Variants in RBM34 observed in about 807,000 individuals in gnomAD.
RBM34 encodes the protein RNA binding motif protein 34, also known as RNA-binding protein 34.
A neutral mutation model predicts 44.6 loss-of-function variants in RBM34; 39 were observed. The ratio of observed to expected loss-of-function variants is 0.87; its 90% confidence interval spans 0.68 to 1.14. The LOEUF is 1.14. Ranked by LOEUF, RBM34 falls within the 50% of genes most tolerant of loss-of-function variation. The pLI, the probability that RBM34 is intolerant of heterozygous loss-of-function variation, is 0.00. For synonymous variants in RBM34, 194 were observed against 184.0 expected, an observed-to-expected ratio of 1.05 and a Z score of -0.44; for missense variants, 572 against 517.9, an observed-to-expected ratio of 1.10 and a Z score of -1.01.
intron 10 of RBM34, among the ~76,000 whole-genome samples, chr1:235,134,358 C>T (rs919640918): frequency 6.6e-6 from 1 of 152,008 alleles, no homozygotes; most frequent in Admixed American, 6.6e-5. Flanking sequence ...TCGGTGTCTA[C>T]CTATGTTGCC....
chr1:235,136,690 C>G (rs1449934436), intron 8 of RBM34, among the ~76,000 whole-genome samples: 1 of 152,182 alleles, frequency 6.6e-6, no homozygotes, highest in Non-Finnish European at 1.5e-5. Context: ...CATTTCTAGG[C>G]ACCTTTGTCA....
At chr1:235,145,475 G>A (rs949398401) in intron 6 of RBM34, among the ~76,000 whole-genome samples, 7 of 151,654 alleles carry the variant, frequency 4.6e-5, no homozygotes, top group Non-Finnish European at 2.9e-5. Context: ...ATGAGGTCTC[G>A]CCACGCTGCC....
At chr1:235,158,979 A>G (rs1478851697) in intron 3 of RBM34, among the ~76,000 whole-genome samples, 3 of 151,356 alleles carry the variant, frequency 2.0e-5, no homozygotes, top group African/African-American at 2.4e-5. Flanking sequence ...AAAAAAAAAA[A>G]TGCTGACTGG....
At chr1:235,135,497 G>A (rs951716449) in intron 10 of RBM34, among the ~76,000 whole-genome samples, 155 bp downstream of exon 10, 1 of 152,154 alleles carries the variant, frequency 6.6e-6, no homozygotes, top group Non-Finnish European at 1.5e-5. Flanking sequence ...CCAAAGTGCT[G>A]GGATTACAGG....
rs1662340571 is a variant in RBM34 at position 235,155,099 on chromosome 1, C to G, written c.379G>C (p.Ala127Pro). ...KKLADRESAL[A>P]SADLEEEIHQ... ...ATTTCTTCTTCTAAATCAGCACTCG[C>G]TAGAGCGCTTTCCCTTTTTAAGGCA... Residue 127 changes from alanine to proline, a missense_variant, in exon 4 of 11, where the codon GCG (alanine) becomes CCG (proline). Physicochemically the swap from Ala to Pro is conservative, Grantham distance 27. Transcript: ENST00000408888. 1.2e-6 allele frequency: 2 copies of G among 1,611,960 alleles called. No individual in the cohort carries two copies. Among genetic ancestry groups the G allele is most frequent in the Non-Finnish European group, 1.7e-6 (2 of 1,179,642 alleles).
At chr1:235,150,715 C>T (rs1033133089) in intron 5 of RBM34, among the ~76,000 whole-genome samples, 1 of 152,058 alleles carries the variant, frequency 6.6e-6, no homozygotes, top group Non-Finnish European at 1.5e-5. Context: ...GCTGGTAACC[C>T]AAGAAGAAGT....
intron 3 of RBM34, among the ~76,000 whole-genome samples, chr1:235,159,721 A>G (rs1008238095): frequency 6.6e-6 from 1 of 150,772 alleles, no homozygotes; most frequent in Admixed American, 6.6e-5. Context: ...AACACAAAAA[A>G]TTAACCGGGC....
intron 3 of RBM34, among the ~76,000 whole-genome samples, chr1:235,158,556 G>A (rs1284561948): frequency 1.3e-5 from 2 of 152,126 alleles, no homozygotes; most frequent in African/African-American, 4.8e-5. Context: ...TCTTGGACAA[G>A]AGGGAAGACA....
chr1:235,151,172 G>A (rs1662144368), intron 5 of RBM34, among the ~76,000 whole-genome samples: 1 of 152,170 alleles, frequency 6.6e-6, no homozygotes, highest in African/African-American at 2.4e-5. Flanking sequence ...AGAAATCACA[G>A]TTGAAAAACG....
In RBM34 at chr1:235,155,191, C is replaced by T; in HGVS notation, c.366-79G>A. ...GTATTTGACAAAGCACAGCCCTACC[C>T]TCCCGACTAGAAATATTTCCCAATG... is the stretch of plus-strand genomic sequence containing the variant. On this transcript the variant is annotated intron_variant, in intron 3 of 10. Coordinates refer to ENST00000408888, the MANE Select transcript of RBM34 (RefSeq NM_015014.4). 5 of 1,086,190 alleles carry T rather than the reference C, an allele frequency of 4.6e-6. No individual in the cohort carries two copies. The South Asian group carries it at 5.6e-5, about 12-fold the overall frequency. The allele number at this position is 1,086,190 out of a possible 1,614,324, so 67.3% of individuals were successfully genotyped here.
At chr1:235,159,418 C>T (rs114936962) in intron 3 of RBM34, among the ~76,000 whole-genome samples, 1 of 151,338 alleles carries the variant, frequency 6.6e-6, no homozygotes, top group African/African-American at 2.4e-5. Context: ...GGTGTGATGG[C>T]GCGCCCATAG....
intron 5 of RBM34, 33 bp downstream of exon 5, chr1:235,152,673 T>C: frequency 4.4e-6 from 7 of 1,593,238 alleles, no homozygotes; most frequent in Non-Finnish European, 4.3e-6. Flanking sequence ...TAAATTTTAA[T>C]ATTATGTAAT....
At chr1:235,150,361 C>G (rs995009349) in intron 5 of RBM34, among the ~76,000 whole-genome samples, 1 of 152,192 alleles carries the variant, frequency 6.6e-6, no homozygotes, top group African/African-American at 2.4e-5. Context: ...TCAACCACTG[C>G]ACCCGGCCTA....
At chr1:235,154,801 G>A in intron 4 of RBM34, 80 bp downstream of exon 4, 4 of 1,079,150 alleles carry the variant, frequency 3.7e-6, no homozygotes. Flanking sequence ...TTATATCCAT[G>A]ACTTACTATT....
intron 3 of RBM34, among the ~76,000 whole-genome samples, chr1:235,158,610 T>C (rs1445509027): frequency 2.0e-5 from 3 of 152,066 alleles, no homozygotes; most frequent in Non-Finnish European, 2.9e-5. Context: ...TGTGTACAGA[T>C]GCATTAAGTT....
At position 235,140,721 on chromosome 1, in the gene RBM34, G is replaced by A. The variant is rs190313151; in HGVS notation, c.702-2547C>T. Among the ~76,000 whole-genome samples the A allele has an allele frequency of 6.8e-3, 1,032 of 152,338 alleles. 15 individuals carry two copies. Among genetic ancestry groups the A allele is most frequent in the African/African-American group, 0.023 (973 of 41,588 alleles). ...GGCAGGCAGCTCCACCTGCAGCCCC[G>A]GTGCAGGATCCACTGGGTGAAGCCA... On this transcript the variant is annotated intron_variant, in intron 6 of 10. Coordinates refer to ENST00000408888, the MANE Select transcript of RBM34 (RefSeq NM_015014.4).
At chr1:235,132,044 G>A in intron 10 of RBM34, 47 bp from the exon 11 acceptor site, 4 of 1,480,852 alleles carry the variant, frequency 2.7e-6, no homozygotes, top group East Asian at 2.3e-5. Context: ...AAACCCATCT[G>A]CAAAGAAACT....
intron 7 of RBM34, 49 bp downstream of exon 7, chr1:235,138,042 A>G: frequency 1.3e-6 from 2 of 1,559,262 alleles, no homozygotes; most frequent in Non-Finnish European, 1.8e-6. Context: ...AAGTACTCAT[A>G]CATACTTATA....
intron 6 of RBM34, among the ~76,000 whole-genome samples, chr1:235,140,325 C>T (rs1293583004): frequency 6.6e-6 from 1 of 152,130 alleles, no homozygotes; most frequent in African/African-American, 2.4e-5. Flanking sequence ...GCGGCGCTTG[C>T]GGGCCAGCTG....
Sources: allele counts gnomAD v4.1 joint callset (sites outside exome capture counted in the v4.1 genomes callset), GRCh38; gene constraint gnomAD v4.1.1; transcripts MANE v1.5; gene names NCBI Gene and HGNC (gene_info 2026-07-23, HGNC 2026-07-21).